PCDHA10: variants seen among roughly 807,000 people sequenced by gnomAD.
PCDHA10 encodes protocadherin alpha-10.
A neutral mutation model predicts 61.2 loss-of-function variants in PCDHA10; 45 were observed. That is an observed-to-expected ratio of 0.74 (90% CI 0.58 to 0.94). PCDHA10 has a LOEUF of 0.94. Among genes scored for constraint, PCDHA10 ranks in the 40% least tolerant of loss-of-function variants. The pLI, the probability that PCDHA10 is intolerant of heterozygous loss-of-function variation, is 0.00. For missense variants in PCDHA10, 1,278 were observed against 1,236.2 expected (o/e 1.03, Z -0.51); for synonymous variants, 602 against 548.8 (o/e 1.10, Z -1.35).
intron 1 of PCDHA10, chr5:140,966,989 G>A: frequency 5.0e-6 from 8 of 1,604,148 alleles, no homozygotes; most frequent in Non-Finnish European, 6.8e-6. Context: ...CTTGGGGCCG[G>A]GTTGCTTGCG....
At chr5:140,917,211 C>T (rs938458701) in intron 1 of PCDHA10, among the ~76,000 whole-genome samples, 3 of 151,636 alleles carry the variant, frequency 2.0e-5, no homozygotes, top group Non-Finnish European at 2.9e-5. Context: ...TTCAATGCCT[C>T]TTTTAGTGAT....
chr5:140,953,364 G>T (rs1177357093), intron 1 of PCDHA10, among the ~76,000 whole-genome samples: 1 of 152,088 alleles, frequency 6.6e-6, no homozygotes, highest in Non-Finnish European at 1.5e-5. Flanking sequence ...TGCACTCAAG[G>T]ATTCTCTACC....
At chr5:140,921,988 A>G (rs1182214376) in intron 1 of PCDHA10, among the ~76,000 whole-genome samples, 1 of 152,132 alleles carries the variant, frequency 6.6e-6, no homozygotes, top group Non-Finnish European at 1.5e-5. Flanking sequence ...ACTAAAAAAG[A>G]GTTCAATGAA....
intron 1 of PCDHA10, among the ~76,000 whole-genome samples, chr5:140,951,752 G>A (rs246039): frequency 0.51 from 77,303 of 151,800 alleles, 20,616 homozygotes; most frequent in African/African-American, 0.68. Context: ...CTCACCCTCC[G>A]CGAAATCTCA....
intron 1 of PCDHA10, among the ~76,000 whole-genome samples, chr5:140,924,152 C>A (rs1163487854): frequency 6.6e-6 from 1 of 152,176 alleles, no homozygotes. Flanking sequence ...TGAAGAAATG[C>A]ACATCCTAAT....
At chr5:140,883,272 C>T in intron 1 of PCDHA10, 1 of 1,613,880 alleles carries the variant, frequency 6.2e-7, no homozygotes, top group Non-Finnish European at 8.5e-7. Context: ...GGTCATTGTA[C>T]CCTTTTGGTG....
At chr5:141,003,143 ACT>A (rs1162243146) in intron 3 of PCDHA10, among the ~76,000 whole-genome samples, 1 of 152,180 alleles carries the variant, frequency 6.6e-6, no homozygotes, top group East Asian at 1.9e-4. Context: ...CTTGGCAAAG[ACT>A]CTGACCTGAT....
chr5:140,992,460 G>T (rs1554252924), intron 3 of PCDHA10, among the ~76,000 whole-genome samples: 1 of 152,170 alleles, frequency 6.6e-6, no homozygotes, highest in African/African-American at 2.4e-5. Context: ...GCAGAGGACA[G>T]TACTCTTTAG....
intron 1 of PCDHA10, among the ~76,000 whole-genome samples, chr5:140,919,377 A>G (rs2079104195): frequency 1.3e-5 from 2 of 152,208 alleles, no homozygotes; most frequent in Non-Finnish European, 2.9e-5. Context: ...CAGACAACAC[A>G]TAGTTGGATG....
chr5:140,972,479 C>G (rs782631191), intron 1 of PCDHA10, among the ~76,000 whole-genome samples: 1 of 151,994 alleles, frequency 6.6e-6, no homozygotes, highest in Non-Finnish European at 1.5e-5. Flanking sequence ...CAGCATTTAA[C>G]CCCAGACTCT....
intron 1 of PCDHA10, among the ~76,000 whole-genome samples, chr5:140,965,537 A>T (rs528440377): frequency 1.3e-5 from 2 of 152,204 alleles, no homozygotes; most frequent in East Asian, 3.9e-4. Context: ...ATGGAATCCA[A>T]ATTCCAGCCT....
At chr5:140,861,531 T>G (rs1219248238) in intron 1 of PCDHA10, 2 of 447,948 alleles carry the variant, frequency 4.5e-6, no homozygotes, top group Non-Finnish European at 9.2e-6. Flanking sequence ...GATCTCGGAG[T>G]GCAGCATCCA....
rs1554149565 is a variant in PCDHA10, at chr5:140,857,132, G to T, written c.1084G>T (p.Ala362Ser). Reference sequence around the variant, plus strand: ...TCTGTCTCTCCCAGTGAAAGAAGATGCTCAAGTGGGCACCGTCATTGCCCT... The same window carrying T: ...TCTGTCTCTCCCAGTGAAAGAAGATTCTCAAGTGGGCACCGTCATTGCCCT... ...TSLSLPVKED[A>S]QVGTVIALIS... Residue 362 changes from alanine to serine, a missense_variant, in exon 1 of 4, where the codon GCT (alanine) becomes TCT (serine). Coordinates refer to ENST00000307360, the MANE Select transcript of PCDHA10 (RefSeq NM_018901.4). The T allele has an allele frequency of 3.1e-6, 5 of 1,598,146 alleles. 1 individual carries two copies. The South Asian group carries it at 3.3e-5, about 11-fold the overall frequency.
chr5:140,968,935 C>T, intron 1 of PCDHA10: 1 of 1,614,172 alleles, frequency 6.2e-7, no homozygotes, highest in Non-Finnish European at 8.5e-7. Context: ...TTTTGACAAT[C>T]ATCATTTTGA....
At chr5:140,911,160 G>A (rs1226577638) in intron 1 of PCDHA10, among the ~76,000 whole-genome samples, 1 of 152,086 alleles carries the variant, frequency 6.6e-6, no homozygotes, top group African/African-American at 2.4e-5. Context: ...AGACAAATGT[G>A]GAAAGGCTGA....
At chr5:140,870,981 C>T (rs372420484) in intron 1 of PCDHA10, 72 of 1,613,472 alleles carry the variant, frequency 4.5e-5, no homozygotes, top group Non-Finnish European at 5.9e-5. Context: ...TGGGGCTGTA[C>T]ACGGGCGAGA....
In PCDHA10 at chr5:141,009,805, A is replaced by G. The variant is rs1358613672; in HGVS notation, c.2715A>G (p.Gln905=). The change falls in exon 4 of 4, where the codon CAA becomes CAG. Residue 905 remains glutamine, a synonymous_variant. Transcript: ENST00000307360. ...ISIRQEPTNS[Q]IDKSDFITFG... ...TCCGGCAGGAGCCTACTAACAGCCAAATTGACAAAAGTGACTTCATAACCT... is the reference window on the plus strand; with the variant it reads ...TCCGGCAGGAGCCTACTAACAGCCAGATTGACAAAAGTGACTTCATAACCT... The G allele has an allele frequency of 3.1e-6, 5 of 1,613,974 alleles. No homozygotes were observed. Among genetic ancestry groups the G allele is most frequent in the African/African-American group, 1.3e-5 (1 of 74,898 alleles).
chr5:140,982,221 A>T, intron 2 of PCDHA10: 1 of 546,340 alleles, frequency 1.8e-6, no homozygotes. Flanking sequence ...ACATGGCGTT[A>T]ATAAAAAACA....
At chr5:140,984,247 C>G (rs1394918677) in intron 3 of PCDHA10, among the ~76,000 whole-genome samples, 2 of 152,138 alleles carry the variant, frequency 1.3e-5, no homozygotes, top group Non-Finnish European at 2.9e-5. Flanking sequence ...GTAGGTCGAC[C>G]TGGTAAGCCA....
Sources: gnomAD v4.1 joint callset for allele counts (sites outside exome capture counted in the v4.1 genomes callset) on GRCh38, gnomAD v4.1.1 for gene constraint, MANE v1.5 for transcripts, NCBI Gene and HGNC (gene_info 2026-07-23, HGNC 2026-07-21) for gene names.